Variants in HDAC10 observed in about 807,000 individuals in gnomAD.
HDAC10 encodes polyamine deacetylase HDAC10.
A neutral mutation model predicts 82.3 loss-of-function variants in HDAC10; 90 were observed. The observed-to-expected ratio is 1.09, with a 90% CI of 0.92 to 1.30. The LOEUF (loss-of-function observed/expected upper bound fraction) is 1.30, where lower values mean the gene tolerates loss of function less well. Among genes scored for constraint, HDAC10 ranks in the 50% most tolerant of loss-of-function variants. HDAC10 has a pLI of 0.00. For missense variants in HDAC10, 934 were observed against 876.3 expected, an observed-to-expected ratio of 1.07 and a Z score of -0.83; for synonymous variants, 456 against 391.7, an observed-to-expected ratio of 1.16 and a Z score of -1.94.
chr22:50,247,585 G>T, intron 14 of HDAC10, 107 bp downstream of exon 14: 1 of 772,552 alleles, frequency 1.3e-6, no homozygotes, highest in Non-Finnish European at 2.1e-6. Context: ...ACATCCATGT[G>T]GTTCTGCACC....
In HDAC10 at chr22:50,249,918, C is replaced by T. The variant is rs764839278; in HGVS notation, c.436G>A (p.Val146Met). ...GQRAAANGFC[V>M]FNNVAIAAAH... The stretch of plus-strand genomic sequence containing the variant: ...GCTGCTATGGCCACGTTGTTGAACA[C>T]ACAGAACCCGTTGGCAGCCGCCCTC... The change falls in exon 5 of 20, where the codon GTG becomes ATG. Residue 146 changes from valine to methionine, a missense_variant. Physicochemically the swap from Val to Met is conservative, Grantham distance 21. Transcript: ENST00000216271. This position sits in a 1 kb window ranked among gnomAD's most constrained non-coding sequence, Gnocchi z 4.4. 6 of 1,612,960 alleles carry T rather than the reference C, an allele frequency of 3.7e-6. No homozygotes were observed. The South Asian group carries it at 5.5e-5, about 15-fold the overall frequency.
intron 14 of HDAC10, 86 bp downstream of exon 14, chr22:50,247,606 C>T: frequency 1.0e-6 from 1 of 967,304 alleles, no homozygotes; most frequent in Admixed American, 2.3e-5. Flanking sequence ...ACCCAGCCCT[C>T]CTCTGGACAG....
chr22:50,248,204 C>T lies in HDAC10; in HGVS notation c.1081+21G>A, dbSNP rs752338438. 6.2e-7 allele frequency: 1 copy of T among 1,608,250 alleles called. No individual in the cohort carries two copies. Among genetic ancestry groups the T allele is most frequent in the Non-Finnish European group, 8.5e-7 (1 of 1,177,878 alleles). On this transcript the variant is annotated intron_variant, in intron 12 of 19. Transcript: ENST00000216271. This position sits in a 1 kb window ranked among gnomAD's most constrained non-coding sequence, Gnocchi z 5.4. ...GGAGCCCGAGGTGGGATCCTGCAGC[C>T]TAGCACCCGGCCACACTGACCTTGC... is the stretch of plus-strand genomic sequence containing the variant.
Position 50,249,004 on chromosome 22 carries a change from G to A in HDAC10, c.756+99C>T. 2 of 1,438,762 alleles carry A rather than the reference G, an allele frequency of 1.4e-6. No homozygotes were observed. Among genetic ancestry groups the A allele is most frequent in the Non-Finnish European group, 1.9e-6 (2 of 1,042,602 alleles). The allele number at this position is 1,438,762 out of a possible 1,614,324, so 89.1% of individuals were successfully genotyped here. On this transcript the variant is annotated intron_variant, in intron 8 of 19. Coordinates refer to ENST00000216271, the MANE Select transcript of HDAC10 (RefSeq NM_032019.6). The surrounding 1 kb of genome is among the most constrained non-coding windows in gnomAD (Gnocchi z 4.4). The stretch of plus-strand genomic sequence containing the variant: ...GCACCTTCCCCAGCCACACAGGAGT[G>A]GGACAGCTCATAACCCTCCTCCTGC...
At chr22:50,246,406 G>C (rs1325033111) in intron 16 of HDAC10, 30 bp from the exon 17 acceptor site, 1 of 1,577,580 alleles carries the variant, frequency 6.3e-7, no homozygotes, top group Admixed American at 1.7e-5. Flanking sequence ...TAAGTGTAAG[G>C]CCCTGCTCAC....
Position 50,245,967 on chromosome 22 carries a change from G to T in HDAC10, c.1776C>A (p.Leu592=). ...CCAGCCCCCGAAGCATTGCAGCCAG[G>T]AGTGCAGCGTGGGGGCCCTGCAGGC... ...GHGLQGPHAA[L]LAAMLRGLAG... Residue 592 remains leucine (L), a synonymous_variant, in exon 18 of 20, where the codon CTC becomes CTA. Transcript: ENST00000216271. The T allele has an allele frequency of 6.2e-7, 1 of 1,607,244 alleles. No individual in the cohort carries two copies. Among genetic ancestry groups the T allele is most frequent in the Non-Finnish European group, 8.5e-7 (1 of 1,177,658 alleles).
chr22:50,247,829 G>A (rs1445135747), intron 13 of HDAC10, 53 bp from the exon 14 acceptor site: 2 of 1,612,290 alleles, frequency 1.2e-6, no homozygotes, highest in South Asian at 1.1e-5. Context: ...CGCAGGTCAG[G>A]CACACACAGG....
In HDAC10 at chr22:50,245,245, G is replaced by C. The variant is rs2064911197; in HGVS notation, c.*262C>G. Reference sequence around the variant, plus strand: ...GGGAGCGAAGCGCAGCGGGGCGCAGGGGCCGGAACGGGACCGAGCGTGGGT... The same window carrying C: ...GGGAGCGAAGCGCAGCGGGGCGCAGCGGCCGGAACGGGACCGAGCGTGGGT... On this transcript the variant is annotated 3_prime_UTR_variant, in exon 20 of 20. Coordinates refer to ENST00000216271, the MANE Select transcript of HDAC10 (RefSeq NM_032019.6). 2 of 577,022 alleles carry C rather than the reference G, an allele frequency of 3.5e-6. No homozygotes were observed. Among genetic ancestry groups the C allele is most frequent in the African/African-American group, 3.9e-5 (2 of 51,300 alleles). The allele number at this position is 577,022 out of a possible 1,614,324, so 35.7% of individuals were successfully genotyped here.
At position 50,248,681 on chromosome 22, in the gene HDAC10, C is replaced by G; in HGVS notation, c.887G>C (p.Arg296Pro). The change falls in exon 10 of 20, where the codon CGG (arginine) becomes CCG (proline). Residue 296 changes from arginine (R) to proline (P), a missense_variant. Coordinates refer to ENST00000216271, the MANE Select transcript of HDAC10 (RefSeq NM_032019.6). The surrounding 1 kb of genome is among the most constrained non-coding windows in gnomAD (Gnocchi z 5.4). ...TQLLQVLAGG[R>P]VCAVLEGGYH... ...AGTCACCTCCAGCACGGCACAGACC[C>G]GGCCGCCGGCCAGCACCTGCAGCAG... The G allele has an allele frequency of 6.6e-7, 1 of 1,524,344 alleles. No individual in the cohort carries two copies. The highest frequency in any genetic ancestry group is 2.4e-5 in the East Asian group (1 of 41,892). The allele number at this position is 1,524,344 out of a possible 1,614,324, so 94.4% of individuals were successfully genotyped here.
In HDAC10 at chr22:50,247,770, G is replaced by A. The variant is rs774915465; in HGVS notation, c.1344C>T (p.His448=). Residue 448 remains histidine, a synonymous_variant, in exon 14 of 20, where the codon CAC becomes CAT. Transcript: ENST00000216271. ...GGGCCTCCTCCCGGGCCAGGGACTC[G>A]TGTGGCCTGTGGTGGACAGACCAGA... ...REETEAWARP[H]ESLAREEALT... 30 of 1,610,250 alleles carry A rather than the reference G, an allele frequency of 1.9e-5. No homozygotes were observed. The highest frequency in any genetic ancestry group is 4.4e-5 in the South Asian group (4 of 91,008).
intron 3 of HDAC10, 51 bp downstream of exon 3, chr22:50,250,376 A>C (rs780307714): frequency 1.5e-5 from 23 of 1,555,808 alleles, no homozygotes; most frequent in Non-Finnish European, 1.9e-5. Context: ...TGAACGCTCA[A>C]AGGCACGTGC....
In HDAC10 at chr22:50,245,543, C is replaced by G. The variant is rs1226433384; in HGVS notation, c.1987-13G>C. 9.0e-7 allele frequency: 1 copy of G among 1,105,172 alleles called. No homozygotes were observed. The highest frequency in any genetic ancestry group is 1.7e-5 in the Admixed American group (1 of 59,036). 68.5% of individuals were successfully genotyped at this position (1,105,172 alleles called of 1,614,324 possible). A position where few individuals can be genotyped will look rare whatever the true frequency, so the allele number is the denominator to read the frequency against. ...GGTGAGGATGGCACTACAGGAGGAG[C>G]CGAGAAGAGGCGCGCAGTTGGCCTC... On this transcript the variant is annotated splice_polypyrimidine_tract_variant and intron_variant, in intron 19 of 19. Coordinates refer to ENST00000216271, the MANE Select transcript of HDAC10 (RefSeq NM_032019.6).
At chr22:50,250,576 G>C in intron 2 of HDAC10, 53 bp from the exon 3 acceptor site, 1 of 1,447,614 alleles carries the variant, frequency 6.9e-7, no homozygotes, top group South Asian at 1.1e-5. Flanking sequence ...GGAGCAGGGG[G>C]GCGGGAGGCG....
chr22:50,246,844 C>G (rs1462969747), intron 15 of HDAC10, 31 bp downstream of exon 15: 9 of 1,599,694 alleles, frequency 5.6e-6, no homozygotes, highest in Non-Finnish European at 6.8e-6. Flanking sequence ...GTCCTGCCGT[C>G]AGAGGCTCAG....
Position 50,250,815 on chromosome 22 carries a change from C to A in HDAC10, c.150G>T (p.Leu50Phe). 5 of 1,604,080 alleles carry A rather than the reference C, an allele frequency of 3.1e-6. No individual in the cohort carries two copies. The highest frequency in any genetic ancestry group is 4.2e-6 in the Non-Finnish European group (5 of 1,176,708). Residue 50 changes from leucine to phenylalanine, a missense_variant, in exon 2 of 20, where the codon TTG becomes TTT. Coordinates refer to ENST00000216271, the MANE Select transcript of HDAC10 (RefSeq NM_032019.6). ...QRGLEQRCLR[L>F]SAREASEEEL... is the part of the protein sequence containing the mutation. ...CCTCTTCCGAGGCCTCGCGGGCTGA[C>A]AACCGCAGACACCTCTGTTCCAGGC...
rs1326750640 is a variant in HDAC10 at position 50,245,324 on chromosome 22, G to A, written c.*183C>T. ...GCGCGATGGGTGGGGCGGGGGCGAG[G>A]TGAGGTGAGGGGTGGAGCGGGGGAA... On this transcript the variant is annotated 3_prime_UTR_variant, in exon 20 of 20. Transcript: ENST00000216271. 3.2e-6 allele frequency: 2 copies of A among 627,448 alleles called. No individual in the cohort carries two copies. The highest frequency in any genetic ancestry group is 2.8e-5 in the East Asian group (1 of 36,262). The allele number at this position is 627,448 out of a possible 1,614,324, so 38.9% of individuals were successfully genotyped here.
chr22:50,248,869 C>G lies in HDAC10; in HGVS notation c.778G>C (p.Val260Leu). 2 of 1,611,676 alleles carry G rather than the reference C, an allele frequency of 1.2e-6. No homozygotes were observed. The highest frequency in any genetic ancestry group is 1.7e-6 in the Non-Finnish European group (2 of 1,179,524). ...ATGGCTGAGTCAAATCCTGCCGAGA[C>G]CAGCACCAGCTCAGGGTCAAACTAC... Reference protein sequence around the residue: ...AFEFDPELVLVSAGFDSAIGD... With the variant: ...AFEFDPELVLLSAGFDSAIGD... The change falls in exon 9 of 20, where the codon GTC becomes CTC. Residue 260 changes from valine to leucine, a missense_variant. Transcript: ENST00000216271. This position sits in a 1 kb window ranked among gnomAD's most constrained non-coding sequence, Gnocchi z 5.4.
At chr22:50,246,840 C>A in intron 15 of HDAC10, 35 bp downstream of exon 15, 1 of 1,595,656 alleles carries the variant, frequency 6.3e-7, no homozygotes, top group Admixed American at 1.7e-5. Context: ...ACAGGTCCTG[C>A]CGTCAGAGGC....
At position 50,249,402 on chromosome 22, in the gene HDAC10, G is replaced by C. The variant is rs1302523556; in HGVS notation, c.616C>G (p.Leu206Val). 4 of 1,612,608 alleles carry C rather than the reference G, an allele frequency of 2.5e-6. No individual in the cohort carries two copies. In the African/African-American group the frequency reaches 4.0e-5, roughly 16 times the overall value. The part of the protein sequence containing the change: ...RYEHGRFWPF[L>V]RESDADAVGR... ...ACTGCGTCTGCATCTGACTCTCGCA[G>C]GAAAGGCCAGAAGCGCCCATGCTCA... The change falls in exon 7 of 20, where the codon CTG (leucine) becomes GTG (valine). Residue 206 changes from leucine to valine, a missense_variant. Physicochemically the swap from Leu to Val is conservative, Grantham distance 32 (BLOSUM62 1). Coordinates refer to ENST00000216271, the MANE Select transcript of HDAC10 (RefSeq NM_032019.6). This position sits in a 1 kb window ranked among gnomAD's most constrained non-coding sequence, Gnocchi z 4.4.
Sources: allele counts gnomAD v4.1 joint callset, GRCh38; gene constraint gnomAD v4.1.1; non-coding constraint Gnocchi (gnomAD v3.1); transcripts MANE v1.5; gene names NCBI Gene and HGNC (gene_info 2026-07-23, HGNC 2026-07-21).